The following GPR137 variants were observed in gnomAD, a reference collection of about 807,000 sequenced individuals.
GPR137 encodes integral membrane protein GPR137.
Under a neutral mutation model 38.9 loss-of-function variants are expected in GPR137, and 20 were observed. That is an observed-to-expected ratio of 0.51 (90% confidence interval 0.36 to 0.75). GPR137 has a LOEUF of 0.75. GPR137 is among the 30% of genes least tolerant of loss of function. The pLI is 0.00. For synonymous variants in GPR137, 226 were observed against 235.8 expected (o/e 0.96, Z 0.38); for missense variants, 456 against 526.4 (o/e 0.87, Z 1.31).
rs1447167668 is a variant in GPR137 at position 64,288,838 on chromosome 11, T to C, written c.1031+117T>C. On this transcript the variant is annotated intron_variant, in intron 6 of 6. Transcript: ENST00000438980. The surrounding 1 kb of genome is among the most constrained non-coding windows in gnomAD (Gnocchi z 5.5). ...TGCCTTCCACCCCTGCCATGGCCTT[T>C]GCTTCCCCATCTGTACTAGGTGAGG... is the stretch of plus-strand genomic sequence containing the variant. The C allele has an allele frequency of 4.8e-6, 7 of 1,447,074 alleles. No individual in the cohort carries two copies. The allele number at this position is 1,447,074 out of a possible 1,614,324, so 89.6% of individuals were successfully genotyped here.
chr11:64,289,447 C>G lies in GPR137; in HGVS notation c.*251C>G. Reference sequence around the variant, plus strand: ...ACCTCTGCTTCCACACCGGAGCCAGCTACCTCTCCTGTGCCTGCCACTCAA... The same window carrying G: ...ACCTCTGCTTCCACACCGGAGCCAGGTACCTCTCCTGTGCCTGCCACTCAA... On this transcript the variant is annotated 3_prime_UTR_variant, in exon 7 of 7. Coordinates refer to ENST00000438980, the MANE Select transcript of GPR137 (RefSeq NM_001170880.2). The G allele has an allele frequency of 6.6e-7, 1 of 1,510,878 alleles. No individual in the cohort carries two copies. Among genetic ancestry groups the G allele is most frequent in the Non-Finnish European group, 8.8e-7 (1 of 1,135,010 alleles). The allele number at this position is 1,510,878 out of a possible 1,614,324, so 93.6% of individuals were successfully genotyped here.
At chr11:64,284,693 C>A, upstream of GPR137, 1 of 1,535,838 alleles carries the variant, frequency 6.5e-7, no homozygotes, top group Non-Finnish European at 8.7e-7. Context: ...CCCCGGGCTC[C>A]GGGCCCTAGT....
Position 64,286,010 on chromosome 11 carries a change from G to A in GPR137, c.-515G>A. The A allele has an allele frequency of 2.0e-6, 2 of 985,120 alleles. No homozygotes were observed. The highest frequency in any genetic ancestry group is 9.4e-5 in the South Asian group (2 of 21,330). 61.0% of individuals were successfully genotyped at this position (985,120 alleles called of 1,614,324 possible). ...GGCGGGGGCAGCTTTCGAGAATTAC[G>A]AGGACAGGAGGCAGAGGCCCTCCCC... On this transcript the variant is annotated 5_prime_UTR_variant, in exon 1 of 7. Transcript: ENST00000438980.
upstream of GPR137, among the ~76,000 whole-genome samples, chr11:64,272,276 G>A (rs2032689854): frequency 6.6e-6 from 1 of 151,310 alleles, no homozygotes; most frequent in Non-Finnish European, 1.5e-5. Context: ...CCGAGATCAC[G>A]CCACTGCACT....
chr11:64,273,304 TG>T (rs991846463), upstream of GPR137, among the ~76,000 whole-genome samples: 2 of 152,054 alleles, frequency 1.3e-5, no homozygotes, highest in African/African-American at 4.8e-5. Flanking sequence ...ACCCAGTGGG[TG>T]GAGGTTGCAG....
chr11:64,286,996 C>T lies in GPR137; in HGVS notation c.389C>T (p.Pro130Leu), dbSNP rs1456290422. 5.0e-6 allele frequency: 8 copies of T among 1,613,836 alleles called. No homozygotes were observed. Among genetic ancestry groups the T allele is most frequent in the African/African-American group, 1.3e-5 (1 of 75,034 alleles). ...VVFKAKVKRR[P>L]EMSRGLLAVR... ...TTCAAGGCCAAGGTGAAGCGTCGGCCGGAGATGAGCCGAGGCTTGTAAGTA... is the reference window on the plus strand; with the variant it reads ...TTCAAGGCCAAGGTGAAGCGTCGGCTGGAGATGAGCCGAGGCTTGTAAGTA... Residue 130 changes from proline to leucine, a missense_variant, in exon 2 of 7, where the codon CCG becomes CTG. Transcript: ENST00000438980.
At chr11:64,287,971 G>A in intron 3 of GPR137, 25 bp downstream of exon 3, 1 of 1,601,308 alleles carries the variant, frequency 6.2e-7, no homozygotes, top group African/African-American at 1.3e-5. Flanking sequence ...CTGATGCCCA[G>A]GTGTCTTTTG....
At chr11:64,278,546 G>C (rs1364375131) in intron 2 of GPR137, among the ~76,000 whole-genome samples, 2 of 152,272 alleles carry the variant, frequency 1.3e-5, no homozygotes, top group East Asian at 3.9e-4. Flanking sequence ...GGTGGGACTA[G>C]TTCTATTCCC....
At chr11:64,276,766 C>G (rs1347568153) in intron 2 of GPR137, 1 of 600,368 alleles carries the variant, frequency 1.7e-6, no homozygotes, top group Non-Finnish European at 3.0e-6. Flanking sequence ...AGGGGTGTGG[C>G]TCCTCCTTGG....
upstream of GPR137, chr11:64,272,957 T>C (rs1288298443): frequency 6.6e-6 from 1 of 152,216 alleles, no homozygotes; most frequent in Non-Finnish European, 1.5e-5. Context: ...TGGGCGTGAT[T>C]CCTCACGCCT....
At chr11:64,279,762 CAAAAAAAAAAAA>C (rs35718358), upstream of GPR137, among the ~76,000 whole-genome samples, 1 of 103,732 alleles carries the variant, frequency 9.6e-6, no homozygotes, top group African/African-American at 3.9e-5. Flanking sequence ...GACTCTATCT[CAAAAAAAAAAAA>C]AAAAAAAAAA....
chr11:64,270,559 G>T, exon 1 of GPR137: 1 of 723,428 alleles, frequency 1.4e-6, no homozygotes, highest in Non-Finnish European at 2.5e-6. Flanking sequence ...GCCGGAGACG[G>T]GAAGAGAGGA....
chr11:64,270,680 A>G (rs1239134165), intron 1 of GPR137: 1 of 548,468 alleles, frequency 1.8e-6, no homozygotes, highest in African/African-American at 1.9e-5. Context: ...CTGTAATCCC[A>G]GCACTTTGGG....
chr11:64,285,853 A>C lies in GPR137; in HGVS notation c.-672A>C. 1 of 984,160 alleles carries C rather than the reference A, an allele frequency of 1.0e-6. No individual in the cohort carries two copies. Among genetic ancestry groups the C allele is most frequent in the Non-Finnish European group, 1.2e-6 (1 of 828,936 alleles). 61.0% of individuals were successfully genotyped at this position (984,160 alleles called of 1,614,324 possible). A position where few individuals can be genotyped will look rare whatever the true frequency, so the allele number is the denominator to read the frequency against. ...GCGCGGAGGGGGAGGGGGGCGGAGC[A>C]GCGGGAGCCGGGGAGCCGGAGCCCC... On this transcript the variant is annotated 5_prime_UTR_variant, in exon 1 of 7. Coordinates refer to ENST00000438980, the MANE Select transcript of GPR137 (RefSeq NM_001170880.2).
upstream of GPR137, chr11:64,285,766 C>G (rs1436453413): frequency 1.0e-6 from 1 of 985,300 alleles, no homozygotes; most frequent in African/African-American, 1.7e-5. Context: ...CCGGGTGCGG[C>G]GCTGGACTGC....
Position 64,288,238 on chromosome 11 carries a change from C to T in GPR137, c.783+24C>T. On this transcript the variant is annotated intron_variant, in intron 4 of 6. Coordinates refer to ENST00000438980, the MANE Select transcript of GPR137 (RefSeq NM_001170880.2). This position sits in a 1 kb window ranked among gnomAD's most constrained non-coding sequence, Gnocchi z 5.5. ...AGGTGGGCATACGCATGTCTGCCAC[C>T]TCCTTAGTAGCCGTGGCACCTTGGC... The T allele has an allele frequency of 1.9e-6, 3 of 1,610,488 alleles. No homozygotes were observed. The highest frequency in any genetic ancestry group is 2.5e-6 in the Non-Finnish European group (3 of 1,178,034).
chr11:64,284,418 C>A (rs372868356), upstream of GPR137: 110 of 1,608,756 alleles, frequency 6.8e-5, no homozygotes, highest in Admixed American at 1.7e-5. Flanking sequence ...ACAGCTGGGG[C>A]CAACGGTGGC....
chr11:64,287,615 T>A, intron 2 of GPR137, 106 bp from the exon 3 acceptor site: 2 of 1,559,076 alleles, frequency 1.3e-6, no homozygotes, highest in Non-Finnish European at 1.7e-6. Context: ...GGGCTCAGAC[T>A]GGATGCCCTG....
At chr11:64,274,251 G>A (rs1322853043), upstream of GPR137, among the ~76,000 whole-genome samples, 1 of 151,974 alleles carries the variant, frequency 6.6e-6, no homozygotes, top group Non-Finnish European at 1.5e-5. Flanking sequence ...AGCTGGGCAT[G>A]GTGGCTGGCG....
Sources: gnomAD v4.1 joint callset for allele counts (sites outside exome capture counted in the v4.1 genomes callset) on GRCh38, gnomAD v4.1.1 for gene constraint, Gnocchi (gnomAD v3.1) non-coding constraint, MANE v1.5 for transcripts, NCBI Gene and HGNC (gene_info 2026-07-23, HGNC 2026-07-21) for gene names.